ATP2B4: variants seen among roughly 807,000 people sequenced by gnomAD.
ATP2B4 encodes the protein ATPase plasma membrane Ca2+ transporting 4.
ATP2B4 carries 39 observed loss-of-function variants against 110.3 expected under a neutral mutation model. That is an observed-to-expected ratio of 0.35 (90% confidence interval 0.27 to 0.46). The LOEUF (loss-of-function observed/expected upper bound fraction) is 0.46. Among genes scored for constraint, ATP2B4 ranks in the 20% least tolerant of loss-of-function variants. ATP2B4 has a pLI of 1.00. For synonymous variants in ATP2B4, 538 were observed against 571.7 expected (o/e 0.94, Z 0.84); for missense variants, 1,135 against 1,530.9 (o/e 0.74, Z 4.32).
intron 2 of ATP2B4, among the ~76,000 whole-genome samples, chr1:203,691,319 T>C (rs1358923784): frequency 6.6e-6 from 1 of 152,212 alleles, no homozygotes; most frequent in Admixed American, 6.5e-5. Flanking sequence ...TAGCATTCCC[T>C]CCTTGGGTGA....
intron 2 of ATP2B4, among the ~76,000 whole-genome samples, chr1:203,695,928 A>T (rs1221752986): frequency 2.0e-5 from 3 of 152,064 alleles, no homozygotes; most frequent in Non-Finnish European, 2.9e-5. Context: ...ATTTAAGGTA[A>T]CACTCCTGGG....
intron 1 of ATP2B4, among the ~76,000 whole-genome samples, chr1:203,659,083 TA>T (rs1478333325): frequency 6.6e-6 from 1 of 152,060 alleles, no homozygotes; most frequent in Non-Finnish European, 1.5e-5. Flanking sequence ...GGGAAAAAAT[TA>T]AAGATATTGC....
intron 1 of ATP2B4, among the ~76,000 whole-genome samples, chr1:203,632,032 A>C (rs1663284031): frequency 6.6e-6 from 1 of 151,756 alleles, no homozygotes; most frequent in African/African-American, 2.4e-5. Context: ...GAGCTCAGGC[A>C]ATCTACCTGC....
chr1:203,713,352 G>C (rs771178299), intron 14 of ATP2B4, 100 bp downstream of exon 14: 3 of 1,371,092 alleles, frequency 2.2e-6, no homozygotes, highest in Non-Finnish European at 3.1e-6. Flanking sequence ...TGTCCAAATA[G>C]GGAGGTCCTA....
intron 1 of ATP2B4, among the ~76,000 whole-genome samples, chr1:203,658,961 G>A (rs1481464522): frequency 1.3e-5 from 2 of 151,792 alleles, no homozygotes; most frequent in Non-Finnish European, 2.9e-5. Flanking sequence ...CCGAGATCGC[G>A]CCACTGCACT....
intron 1 of ATP2B4, among the ~76,000 whole-genome samples, chr1:203,634,757 G>GGGCTCAAGCTATCCTCCCACCTCA: frequency 6.6e-6 from 1 of 151,736 alleles, no homozygotes; most frequent in East Asian, 1.9e-4. Context: ...TTGATCTCCT[G>GGGCTCAAGCTATCCTCCCACCTCA]GGCTCAAGCT....
intron 1 of ATP2B4, among the ~76,000 whole-genome samples, chr1:203,667,424 G>T (rs1211633975): frequency 6.6e-6 from 1 of 152,226 alleles, no homozygotes; most frequent in African/African-American, 2.4e-5. Flanking sequence ...CTGGAGTAAG[G>T]TTCTGGAGTG....
chr1:203,665,605 G>A (rs1031668467), intron 1 of ATP2B4, among the ~76,000 whole-genome samples: 4 of 152,054 alleles, frequency 2.6e-5, no homozygotes, highest in Admixed American at 1.3e-4. Context: ...TTCAAGACCA[G>A]CCTGGCCAAT....
chr1:203,729,821 T>C (rs768057680), intron 20 of ATP2B4: 26 of 1,288,024 alleles, frequency 2.0e-5, no homozygotes, highest in Non-Finnish European at 2.7e-5. Context: ...CAGTGGTCCT[T>C]GGTTTGTCTC....
intron 20 of ATP2B4, among the ~76,000 whole-genome samples, chr1:203,728,727 C>T (rs1353651198): frequency 6.6e-6 from 1 of 152,110 alleles, no homozygotes; most frequent in Admixed American, 6.5e-5. Context: ...CGTAGTGGCA[C>T]ATGCCTGTAA....
chr1:203,706,894 C>T (rs576712172), intron 8 of ATP2B4, 115 bp from the exon 9 acceptor site: 73 of 813,974 alleles, frequency 9.0e-5, no homozygotes, highest in African/African-American at 1.7e-4. Flanking sequence ...GTCTTCCTGG[C>T]GATGGTGGTT....
In ATP2B4 at chr1:203,652,012, G is replaced by T. The variant is rs1664011680; in HGVS notation, c.-465+24793G>T. ...GTGGAGGTGGCAGTGAGCCAAGATT[G>T]TGCCACTGCACTCCAGCCTGAGTGA... On this transcript the variant is annotated intron_variant, in intron 1 of 20. Transcript: ENST00000357681. Among the ~76,000 whole-genome samples the T allele has an allele frequency of 1.3e-5, 2 of 150,420 alleles. 1 individual carries two copies. The highest frequency in any genetic ancestry group is 1.3e-4 in the Admixed American group (2 of 15,104).
At chr1:203,693,746 G>A (rs553288474) in intron 2 of ATP2B4, among the ~76,000 whole-genome samples, 1 of 152,326 alleles carries the variant, frequency 6.6e-6, no homozygotes, top group East Asian at 1.9e-4. Flanking sequence ...TTGCTTAGAG[G>A]TACAGAGGAA....
intron 1 of ATP2B4, among the ~76,000 whole-genome samples, chr1:203,660,705 A>G (rs1218697424): frequency 6.6e-6 from 1 of 152,124 alleles, no homozygotes; most frequent in Non-Finnish European, 1.5e-5. Flanking sequence ...AGGCTGAGGC[A>G]GGAGAATTGC....
chr1:203,717,280 G>A (rs1459025008), intron 15 of ATP2B4, among the ~76,000 whole-genome samples: 1 of 147,228 alleles, frequency 6.8e-6, no homozygotes, highest in African/African-American at 2.7e-5. Flanking sequence ...TTTTTGGTTT[G>A]TTTTTTAATT....
At chr1:203,692,990 GC>G (rs1665430153) in intron 2 of ATP2B4, among the ~76,000 whole-genome samples, 1 of 152,188 alleles carries the variant, frequency 6.6e-6, no homozygotes, top group South Asian at 2.1e-4. Context: ...TCTGGGTGGG[GC>G]TTTCTCTCTC....
intron 1 of ATP2B4, among the ~76,000 whole-genome samples, chr1:203,644,095 C>T (rs1433646631): frequency 6.6e-6 from 1 of 151,824 alleles, no homozygotes; most frequent in Admixed American, 6.6e-5. Flanking sequence ...ACTAAAAGTA[C>T]AAAAATCAGC....
rs188203801 is a variant in ATP2B4 at position 203,707,813 on chromosome 1, G to C, written c.1315-49G>C. ...GAAATGGCCTTTGACCTAGATTTAG[G>C]AGAGTCCAGTTAGTCCCCCTCTCAA... On this transcript the variant is annotated intron_variant, in intron 9 of 20. Coordinates refer to ENST00000357681, the MANE Select transcript of ATP2B4 (RefSeq NM_001684.5). The C allele has an allele frequency of 1.4e-4, 224 of 1,605,088 alleles. No homozygotes were observed. In the East Asian group the frequency reaches 3.7e-3, roughly 26 times the overall value.
Position 203,629,310 on chromosome 1 carries a change from T to G in ATP2B4, c.-465+2091T>G, listed in dbSNP as rs1571656012. On this transcript the variant is annotated intron_variant, in intron 1 of 20. Coordinates refer to ENST00000357681, the MANE Select transcript of ATP2B4 (RefSeq NM_001684.5). This position sits in a 1 kb window ranked among gnomAD's most constrained non-coding sequence, Gnocchi z 4.6. The stretch of plus-strand genomic sequence containing the variant: ...TCTATACTCCTCCTCGGGAGTCCCA[T>G]CCTCCCTGCCACCATCTTGCTGAGG... Among the ~76,000 whole-genome samples, 1 of 152,136 alleles carries G rather than the reference T, an allele frequency of 6.6e-6. No individual in the cohort carries two copies. Among genetic ancestry groups the G allele is most frequent in the Non-Finnish European group, 1.5e-5 (1 of 68,012 alleles).
Sources: allele counts gnomAD v4.1 joint callset (sites outside exome capture counted in the v4.1 genomes callset), GRCh38; gene constraint gnomAD v4.1.1; non-coding constraint Gnocchi (gnomAD v3.1); transcripts MANE v1.5; gene names NCBI Gene and HGNC (gene_info 2026-07-23, HGNC 2026-07-21).